Variants in C6orf118 observed in about 807,000 individuals in gnomAD.
C6orf118 encodes chromosome 6 open reading frame 118.
A neutral mutation model predicts 50.2 loss-of-function variants in C6orf118; 50 were observed. The observed-to-expected ratio is 1.00, with a 90% CI of 0.79 to 1.26. The LOEUF is 1.26. C6orf118 is among the 50% of genes most tolerant of loss of function. C6orf118 has a pLI of 0.00. For missense variants in C6orf118, 641 were observed against 578.7 expected (o/e 1.11, Z -1.10); for synonymous variants, 239 against 230.9 (o/e 1.03, Z -0.32).
In C6orf118 at chr6:165,298,095, G is replaced by A. The variant is rs756473630; in HGVS notation, c.943C>T (p.Leu315=). Residue 315 remains leucine, a synonymous_variant, in exon 5 of 9, where the codon CTG becomes TTG. Transcript: ENST00000230301. ...SQPAAQYEAL[L]AQLKALGQRP... Reference sequence around the variant, plus strand: ...TGCCCCAGCGCCTTGAGTTGAGCCAGAAGAGCCTAGGCAGGACCAGGTACA... The same window carrying A: ...TGCCCCAGCGCCTTGAGTTGAGCCAAAAGAGCCTAGGCAGGACCAGGTACA... The A allele has an allele frequency of 2.5e-6, 4 of 1,599,018 alleles. No homozygotes were observed. The highest frequency in any genetic ancestry group is 1.1e-5 in the South Asian group (1 of 88,210).
chr6:165,298,234 T>G, intron 4 of C6orf118, 133 bp from the exon 5 acceptor site: 18 of 1,086,812 alleles, frequency 1.7e-5, no homozygotes, highest in African/African-American at 1.7e-5. Context: ...ATAGGTAAAT[T>G]GGGAGGATTT....
intron 6 of C6orf118, among the ~76,000 whole-genome samples, chr6:165,290,332 G>T (rs1450644405): frequency 6.6e-6 from 1 of 152,044 alleles, no homozygotes; most frequent in Non-Finnish European, 1.5e-5. Context: ...TGGTGAATTA[G>T]CCCTTTCCAG....
chr6:165,301,460 G>C lies in C6orf118; in HGVS notation c.753+109C>G. The C allele has an allele frequency of 3.5e-6, 5 of 1,418,308 alleles. No individual in the cohort carries two copies. The South Asian group carries it at 6.8e-5, about 19-fold the overall frequency. The allele number at this position is 1,418,308 out of a possible 1,614,324, so 87.9% of individuals were successfully genotyped here. On this transcript the variant is annotated intron_variant, in intron 2 of 8. Transcript: ENST00000230301. Reference sequence around the variant, plus strand: ...ACACTGCCCCAAGAGCTATGCCCCGGAGCTCTGCCCCGAGAGGTTTGCCCC... The same window carrying C: ...ACACTGCCCCAAGAGCTATGCCCCGCAGCTCTGCCCCGAGAGGTTTGCCCC...
At chr6:165,306,753 A>G (rs138384418) in intron 1 of C6orf118, among the ~76,000 whole-genome samples, 1 of 152,286 alleles carries the variant, frequency 6.6e-6, no homozygotes, top group East Asian at 1.9e-4. Flanking sequence ...CAGCAAGTCA[A>G]TCAACACAAT....
At position 165,290,109 on chromosome 6, in the gene C6orf118, T is replaced by C. The variant is rs1357958723; in HGVS notation, c.1121-42A>G. On this transcript the variant is annotated intron_variant, in intron 6 of 8. Coordinates refer to ENST00000230301, the MANE Select transcript of C6orf118 (RefSeq NM_144980.4). ...AAACAAAGTATTACCATGTTTAATA[T>C]CTCAGTTATTATTAATAGCATTATG... 3.3e-6 allele frequency: 4 copies of C among 1,222,314 alleles called. No homozygotes were observed. In the East Asian group the frequency reaches 7.4e-5, roughly 23 times the overall value. 75.7% of individuals were successfully genotyped at this position (1,222,314 alleles called of 1,614,324 possible). A position where few individuals can be genotyped will look rare whatever the true frequency, so the allele number is the denominator to read the frequency against.
chr6:165,301,845 C>G lies in C6orf118; in HGVS notation c.477G>C (p.Lys159Asn), dbSNP rs372817604. ...VEAVREGKEE[K>N]KGGPPGRGPP... The stretch of plus-strand genomic sequence containing the variant: ...GGCCCCGTCCAGGAGGGCCTCCTTT[C>G]TTTTCTTCCTTCCCCTCTCTGACAG... The change falls in exon 2 of 9, where the codon AAG (lysine) becomes AAC (asparagine). Residue 159 changes from lysine to asparagine, a missense_variant. Transcript: ENST00000230301. 2 of 1,613,876 alleles carry G rather than the reference C, an allele frequency of 1.2e-6. No individual in the cohort carries two copies. The highest frequency in any genetic ancestry group is 1.7e-6 in the Non-Finnish European group (2 of 1,179,978).
In C6orf118 at chr6:165,301,785, C is replaced by G. The variant is rs1429413348; in HGVS notation, c.537G>C (p.Leu179=). 1.9e-6 allele frequency: 3 copies of G among 1,614,066 alleles called. No homozygotes were observed. The highest frequency in any genetic ancestry group is 1.7e-6 in the Non-Finnish European group (2 of 1,180,010). Residue 179 remains leucine, a synonymous_variant, in exon 2 of 9, where the codon CTG becomes CTC. Transcript: ENST00000230301. ...PGWRRREELR[L]PDLKVLCYQE... is the part of the protein sequence containing the mutation. ...GGTAGCACAGCACCTTCAAGTCGGG[C>G]AGCCGGAGTTCTTCCCTCCTGCGCC... is the stretch of plus-strand genomic sequence containing the variant.
At chr6:165,299,527 A>C (rs781289085) in intron 3 of C6orf118, 25 bp from the exon 4 acceptor site, 1 of 1,609,352 alleles carries the variant, frequency 6.2e-7, no homozygotes, top group Admixed American at 1.7e-5. Context: ...ACAAAAGTCC[A>C]CTGGCCATGT....
intron 1 of C6orf118, among the ~76,000 whole-genome samples, chr6:165,307,210 A>T (rs987932085): frequency 8.7e-6 from 1 of 114,478 alleles, no homozygotes; most frequent in Non-Finnish European, 1.8e-5. Flanking sequence ...CCATCCCCCC[A>T]CCCCCCCCAC....
At position 165,298,047 on chromosome 6, in the gene C6orf118, T is replaced by C. The variant is rs1336850546; in HGVS notation, c.991A>G (p.Met331Val). Residue 331 changes from methionine (M) to valine (V), a missense_variant, in exon 5 of 9, where the codon ATG becomes GTG. Coordinates refer to ENST00000230301, the MANE Select transcript of C6orf118 (RefSeq NM_144980.4). Reference sequence around the variant, plus strand: ...CTCAGCTCTTCCCTGGCGAGATCCATGTCCGCCGTCTTCACCGGCCTCTGC... The same window carrying C: ...CTCAGCTCTTCCCTGGCGAGATCCACGTCCGCCGTCTTCACCGGCCTCTGC... ...LGQRPVKTAD[M>V]DLAREELRML... The C allele has an allele frequency of 1.2e-6, 2 of 1,613,660 alleles. No individual in the cohort carries two copies. The highest frequency in any genetic ancestry group is 2.2e-5 in the East Asian group (1 of 44,866).
chr6:165,283,208 G>A (rs1422876627), intron 7 of C6orf118, among the ~76,000 whole-genome samples: 2 of 152,112 alleles, frequency 1.3e-5, no homozygotes, highest in Non-Finnish European at 2.9e-5. Context: ...AGAAAAAGCA[G>A]GGTGAAGAGA....
Position 165,301,737 on chromosome 6 carries a change from G to A in C6orf118, c.585C>T (p.Thr195=), listed in dbSNP as rs1255921154. The A allele has an allele frequency of 3.7e-6, 6 of 1,614,130 alleles. No individual in the cohort carries two copies. The highest frequency in any genetic ancestry group is 1.7e-4 in the Middle Eastern group (1 of 6,060). Residue 195 remains threonine, a synonymous_variant, in exon 2 of 9, where the codon ACC becomes ACT. Transcript: ENST00000230301. ...LCYQEAGSRG[T]RDRHHYVSSY... is the part of the protein sequence containing the mutation. ...AGCTGACATAGTGGTGCCGGTCCCT[G>A]GTGCCTCTGGACCCGGCCTCCTGGT... is the stretch of plus-strand genomic sequence containing the variant.
intron 7 of C6orf118, chr6:165,281,917 T>C: frequency 3.4e-6 from 1 of 292,626 alleles, no homozygotes; most frequent in Non-Finnish European, 6.3e-6. Flanking sequence ...AGGAAATTGA[T>C]GTTTCAAAAT....
intron 7 of C6orf118, among the ~76,000 whole-genome samples, chr6:165,283,028 C>A (rs1158904963): frequency 6.6e-6 from 1 of 152,026 alleles, no homozygotes; most frequent in African/African-American, 2.4e-5. Context: ...AAACAAAAAC[C>A]GCGAAGAAAA....
Position 165,279,883 on chromosome 6 carries a change from C to T in C6orf118, c.*174G>A, listed in dbSNP as rs1042888442. On this transcript the variant is annotated 3_prime_UTR_variant, in exon 9 of 9. Transcript: ENST00000230301. The stretch of plus-strand genomic sequence containing the variant: ...GCAACAGAAACTAATCATGTGTACG[C>T]ATGTGTGTATTTCAGTATCCTGAGT... The T allele has an allele frequency of 2.4e-4, 137 of 562,088 alleles. No individual in the cohort carries two copies. Among genetic ancestry groups the T allele is most frequent in the Non-Finnish European group, 3.8e-4 (126 of 331,790 alleles). 34.8% of individuals were successfully genotyped at this position (562,088 alleles called of 1,614,324 possible).
chr6:165,298,173 C>CCTTT, intron 4 of C6orf118, 72 bp from the exon 5 acceptor site: 1 of 1,453,890 alleles, frequency 6.9e-7, no homozygotes, highest in Non-Finnish European at 9.1e-7. Flanking sequence ...TCTTATTTGT[C>CCTTT]ATTAATGCGT....
In C6orf118 at chr6:165,298,110, G is replaced by A; in HGVS notation, c.937-9C>T. On this transcript the variant is annotated splice_polypyrimidine_tract_variant and intron_variant, in intron 4 of 8. Coordinates refer to ENST00000230301, the MANE Select transcript of C6orf118 (RefSeq NM_144980.4). The stretch of plus-strand genomic sequence containing the variant: ...AGTTGAGCCAGAAGAGCCTAGGCAG[G>A]ACCAGGTACATGAGGTGAGACAAGC... 3 of 1,579,492 alleles carry A rather than the reference G, an allele frequency of 1.9e-6. No individual in the cohort carries two copies. Among genetic ancestry groups the A allele is most frequent in the Non-Finnish European group, 2.6e-6 (3 of 1,166,234 alleles).
chr6:165,302,189 G>C lies in C6orf118; in HGVS notation c.133C>G (p.Leu45Val), dbSNP rs1780579701. 1.2e-6 allele frequency: 2 copies of C among 1,612,830 alleles called. No homozygotes were observed. Among genetic ancestry groups the C allele is most frequent in the Non-Finnish European group, 1.7e-6 (2 of 1,179,968 alleles). ...VKTLCNLKKL[L>V]NRLQKDHRED... ...CGGTGGTCTTTCTGAAGCCGATTCAGAAGTTTCTTCAGATTACACAGGGTC... is the reference window on the plus strand; with the variant it reads ...CGGTGGTCTTTCTGAAGCCGATTCACAAGTTTCTTCAGATTACACAGGGTC... The change falls in exon 2 of 9, where the codon CTG (leucine) becomes GTG (valine). Residue 45 changes from leucine to valine, a missense_variant. By Grantham distance (32) the Leu-to-Val change is conservative. Coordinates refer to ENST00000230301, the MANE Select transcript of C6orf118 (RefSeq NM_144980.4).
intron 7 of C6orf118, among the ~76,000 whole-genome samples, chr6:165,283,638 T>C (rs1779808513): frequency 6.6e-6 from 1 of 152,192 alleles, no homozygotes; most frequent in South Asian, 2.1e-4. Flanking sequence ...TCTTTGCTGT[T>C]CTGCAGCCTC....
Sources: allele counts gnomAD v4.1 joint callset (sites outside exome capture counted in the v4.1 genomes callset), GRCh38; gene constraint gnomAD v4.1.1; transcripts MANE v1.5; gene names NCBI Gene and HGNC (gene_info 2026-07-23, HGNC 2026-07-21).